Variants in CDRT4 observed in about 807,000 individuals in gnomAD.
CDRT4 encodes CMT1A duplicated region transcript 4.
For missense variants in CDRT4, 167 were observed against 193.1 expected, an observed-to-expected ratio of 0.87 and a Z score of 0.80; for synonymous variants, 64 against 69.6, an observed-to-expected ratio of 0.92 and a Z score of 0.40.
Position 15,437,656 on chromosome 17 carries a change from G to T in CDRT4, c.*117C>A. 1.8e-6 allele frequency: 2 copies of T among 1,089,952 alleles called. No individual in the cohort carries two copies. Among genetic ancestry groups the T allele is most frequent in the Non-Finnish European group, 2.6e-6 (2 of 760,900 alleles). The allele number at this position is 1,089,952 out of a possible 1,614,324, so 67.5% of individuals were successfully genotyped here. Reference sequence around the variant, plus strand: ...CCAAGCTCCGCATGAGCAAGAGCAAGTTCAGATTTAAAGGACACTGTCAAG... The same window carrying T: ...CCAAGCTCCGCATGAGCAAGAGCAATTTCAGATTTAAAGGACACTGTCAAG... On this transcript the variant is annotated 3_prime_UTR_variant, in exon 4 of 4. Transcript: ENST00000619038.
At chr17:15,466,300 G>A (rs987346276) in intron 1 of CDRT4, among the ~76,000 whole-genome samples, 13 of 152,142 alleles carry the variant, frequency 8.5e-5, no homozygotes, top group Admixed American at 6.5e-4. Flanking sequence ...AGTGGGCTTC[G>A]GGCTCAGGCC....
chr17:15,466,456 G>C (rs1358473553), intron 1 of CDRT4, among the ~76,000 whole-genome samples: 1 of 152,208 alleles, frequency 6.6e-6, no homozygotes, highest in Non-Finnish European at 1.5e-5. Flanking sequence ...TGCATTCATG[G>C]ATCGCAAGGT....
chr17:15,451,387 C>T (rs1452620379), intron 2 of CDRT4, among the ~76,000 whole-genome samples: 3 of 152,178 alleles, frequency 2.0e-5, no homozygotes, highest in Non-Finnish European at 4.4e-5. Context: ...TGGACTAACA[C>T]ACCCTACAAC....
At chr17:15,438,375 A>C (rs1201802434) in intron 3 of CDRT4, among the ~76,000 whole-genome samples, 175 bp from the exon 4 acceptor site, 1 of 152,130 alleles carries the variant, frequency 6.6e-6, no homozygotes, top group Non-Finnish European at 1.5e-5. Context: ...ACATCCTAGA[A>C]AGTCTATCAA....
In CDRT4 at chr17:15,437,792, A is replaced by G. The variant is rs781426841; in HGVS notation, c.440T>C (p.Leu147Pro). ...IFARKPMMRM[L>P]PTVRY ...TGTTGGTCAGTAGCGAACTGTAGGG[A>G]GCATCCTCATCATAGGCTTGCGGGC... Residue 147 changes from leucine to proline, a missense_variant, in exon 4 of 4, where the codon CTC (leucine) becomes CCC (proline). By Grantham distance (98) the Leu-to-Pro change is moderately conservative. Coordinates refer to ENST00000619038, the MANE Select transcript of CDRT4 (RefSeq NM_001204477.2). The G allele has an allele frequency of 5.6e-6, 9 of 1,613,982 alleles. No homozygotes were observed. Among genetic ancestry groups the G allele is most frequent in the Non-Finnish European group, 6.8e-6 (8 of 1,179,976 alleles).
At position 15,437,579 on chromosome 17, in the gene CDRT4, G is replaced by T; in HGVS notation, c.*194C>A. On this transcript the variant is annotated 3_prime_UTR_variant, in exon 4 of 4. Transcript: ENST00000619038. ...CCCACCAGAGAGCAGTGTGGGAGGG[G>T]ACACACTCACCCACCCACCTACAGC... The T allele has an allele frequency of 6.5e-6, 4 of 618,532 alleles. No homozygotes were observed. Among genetic ancestry groups the T allele is most frequent in the Non-Finnish European group, 1.1e-5 (4 of 355,286 alleles). The allele number at this position is 618,532 out of a possible 1,614,324, so 38.3% of individuals were successfully genotyped here. A position where few individuals can be genotyped will look rare whatever the true frequency, so the allele number is the denominator to read the frequency against.
At chr17:15,466,786 CT>C (rs1980060641) in intron 1 of CDRT4, among the ~76,000 whole-genome samples, 1 of 152,068 alleles carries the variant, frequency 6.6e-6, no homozygotes, top group African/African-American at 2.4e-5. Context: ...CTAGGCTGGT[CT>C]TGAGTTCTCG....
intron 1 of CDRT4, among the ~76,000 whole-genome samples, chr17:15,462,380 A>C (rs947259718): frequency 2.8e-5 from 4 of 145,240 alleles, no homozygotes; most frequent in Non-Finnish European, 4.5e-5. Flanking sequence ...GTGAGCCGAG[A>C]TCACACCACT....
intron 2 of CDRT4, among the ~76,000 whole-genome samples, chr17:15,447,364 A>G (rs1363289088): frequency 6.6e-6 from 1 of 152,100 alleles, no homozygotes; most frequent in Admixed American, 6.5e-5. Context: ...GTTATGCTGG[A>G]TCTCAAAGGG....
chr17:15,442,956 G>A (rs900533702), intron 2 of CDRT4, among the ~76,000 whole-genome samples: 1 of 152,218 alleles, frequency 6.6e-6, no homozygotes, highest in Non-Finnish European at 1.5e-5. Flanking sequence ...GCAGTCTACA[G>A]ACAGAAACAG....
At chr17:15,440,984 T>A (rs776409599) in intron 2 of CDRT4, among the ~76,000 whole-genome samples, 6 of 152,228 alleles carry the variant, frequency 3.9e-5, no homozygotes, top group Non-Finnish European at 5.9e-5. Flanking sequence ...ACTGGAGATT[T>A]GTAAGGTTAT....
At chr17:15,451,161 T>C (rs1979244670) in intron 2 of CDRT4, among the ~76,000 whole-genome samples, 1 of 152,188 alleles carries the variant, frequency 6.6e-6, no homozygotes, top group South Asian at 2.1e-4. Context: ...GTTCTTATGA[T>C]AGTGAATAAG....
intron 2 of CDRT4, among the ~76,000 whole-genome samples, chr17:15,449,980 A>AC (rs1260764573): frequency 6.6e-6 from 1 of 152,196 alleles, no homozygotes; most frequent in Non-Finnish European, 1.5e-5. Flanking sequence ...ACTTAGGTTG[A>AC]TTCCATGACT....
chr17:15,457,797 G>A (rs538287034), intron 1 of CDRT4, among the ~76,000 whole-genome samples: 5 of 152,140 alleles, frequency 3.3e-5, no homozygotes, highest in Admixed American at 1.3e-4. Flanking sequence ...TGCTCCACAC[G>A]CTGCCAAGAC....
At chr17:15,449,642 G>C (rs1417175124) in intron 2 of CDRT4, among the ~76,000 whole-genome samples, 1 of 152,060 alleles carries the variant, frequency 6.6e-6, no homozygotes, top group Non-Finnish European at 1.5e-5. Context: ...TTGGGATCCT[G>C]GTGAACCCAT....
At chr17:15,448,741 C>T (rs1979137476) in intron 2 of CDRT4, among the ~76,000 whole-genome samples, 1 of 152,168 alleles carries the variant, frequency 6.6e-6, no homozygotes, top group East Asian at 1.9e-4. Flanking sequence ...GAAGCTTGTG[C>T]CCCCAGGCTA....
intron 2 of CDRT4, among the ~76,000 whole-genome samples, chr17:15,446,884 A>G (rs573966173): frequency 6.6e-5 from 10 of 152,288 alleles, no homozygotes; most frequent in East Asian, 1.9e-4. Flanking sequence ...TTATTTTCCA[A>G]TGGTGAAAAC....
At chr17:15,466,146 TG>T (rs1246564991) in intron 1 of CDRT4, among the ~76,000 whole-genome samples, 3 of 152,102 alleles carry the variant, frequency 2.0e-5, no homozygotes, top group Non-Finnish European at 4.4e-5. Context: ...CCCAGGCCAG[TG>T]GGTGAACTGA....
intron 2 of CDRT4, among the ~76,000 whole-genome samples, chr17:15,440,962 G>GA (rs547438314): frequency 4.0e-5 from 6 of 150,442 alleles, no homozygotes; most frequent in Admixed American, 1.3e-4. Flanking sequence ...AAGGGGGAAA[G>GA]AAAAAAAAAC....
Sources: gnomAD v4.1 joint callset for allele counts (sites outside exome capture counted in the v4.1 genomes callset) on GRCh38, gnomAD v4.1.1 for gene constraint, MANE v1.5 for transcripts, NCBI Gene and HGNC (gene_info 2026-07-23, HGNC 2026-07-21) for gene names.